Variants in ADNP observed in about 807,000 individuals in gnomAD.
ADNP encodes activity dependent neuroprotector homeobox, also known as activity-dependent neuroprotector homeobox protein.
A neutral mutation model predicts 84.9 loss-of-function variants in ADNP; 4 were observed. The observed-to-expected ratio is 0.05, with a 90% CI of 0.02 to 0.11. The LOEUF (loss-of-function observed/expected upper bound fraction) is 0.11, where lower values mean the gene tolerates loss of function less well. Among genes scored for constraint, ADNP ranks in the 10% least tolerant of loss-of-function variants. The pLI, the probability that ADNP is intolerant of heterozygous loss-of-function variation, is 1.00. For missense variants in ADNP, 1,132 were observed against 1,326.0 expected (o/e 0.85, Z 2.27); for synonymous variants, 554 against 468.1 (o/e 1.18, Z -2.37).
rs767774516 is a variant in ADNP, at chr20:50,894,375, G to A, written c.339C>T (p.Thr113=). The A allele has an allele frequency of 1.2e-6, 2 of 1,614,100 alleles. No homozygotes were observed. Among genetic ancestry groups the A allele is most frequent in the East Asian group, 2.2e-5 (1 of 44,880 alleles). The change falls in exon 6 of 6, where the codon ACC becomes ACT. Residue 113 remains threonine, a synonymous_variant. Transcript: ENST00000621696. ...CCAAAGTCTTTTTGTCTGCATTGAA[G>A]GTACAGTAGGGGCAATTAAGGAGAA... The part of the protein sequence containing the change: ...NRILLNCPYC[T]FNADKKTLET...
intron 2 of ADNP, among the ~76,000 whole-genome samples, chr20:50,918,686 G>A (rs531433580): frequency 6.6e-6 from 1 of 152,304 alleles, no homozygotes; most frequent in East Asian, 1.9e-4. Context: ...TGAGCATGTG[G>A]CAGTAGAGAA....
In ADNP at chr20:50,892,111, A is replaced by C; in HGVS notation, c.2603T>G (p.Leu868Arg). 1 of 1,614,082 alleles carries C rather than the reference A, an allele frequency of 6.2e-7. No homozygotes were observed. Among genetic ancestry groups the C allele is most frequent in the Non-Finnish European group, 8.5e-7 (1 of 1,180,038 alleles). Residue 868 changes from leucine to arginine, a missense_variant, in exon 6 of 6, where the codon CTT becomes CGT. Coordinates refer to ENST00000621696, the MANE Select transcript of ADNP (RefSeq NM_001282531.3). The part of the protein sequence containing the change: ...ASKTADKKLN[L>R]GKEDDSSSDS... ...TGAGGAACTGTCATCTTCCTTCCCA[A>C]GGTTGAGCTTTTTGTCAGCAGTCTT...
chr20:50,903,601 T>C (rs1349084736), intron 4 of ADNP, among the ~76,000 whole-genome samples: 2 of 152,194 alleles, frequency 1.3e-5, no homozygotes, highest in Non-Finnish European at 2.9e-5. Context: ...GCCTCCCGCC[T>C]CCATGGTTGT....
At chr20:50,901,958 G>A (rs980745709) in intron 5 of ADNP, 59 bp downstream of exon 5, 20 of 1,272,684 alleles carry the variant, frequency 1.6e-5, no homozygotes, top group East Asian at 9.2e-5. Context: ...AAGGCCTAGA[G>A]CTGAAAAGGG....
At chr20:50,917,451 A>G (rs757811885) in intron 2 of ADNP, among the ~76,000 whole-genome samples, 1 of 152,252 alleles carries the variant, frequency 6.6e-6, no homozygotes, top group Non-Finnish European at 1.5e-5. Flanking sequence ...TATGCAAATC[A>G]TAATGGTAAT....
rs1025868789 is a variant in ADNP, at chr20:50,904,858, C to T, written c.-89-9G>A. On this transcript the variant is annotated splice_polypyrimidine_tract_variant and intron_variant, in intron 2 of 5. Coordinates refer to ENST00000621696, the MANE Select transcript of ADNP (RefSeq NM_001282531.3). ...CCTACTGCTACGGTATTCTTTAAAA[C>T]AAAAACAAAAACAAAAACAAAAACA... The T allele has an allele frequency of 1.3e-5, 2 of 150,570 alleles. No homozygotes were observed. Among genetic ancestry groups the T allele is most frequent in the African/African-American group, 4.9e-5 (2 of 41,090 alleles). The allele number at this position is 150,570 out of a possible 1,614,324, so 9.3% of individuals were successfully genotyped here.
intron 2 of ADNP, among the ~76,000 whole-genome samples, chr20:50,919,287 A>ACGT (rs776823194): frequency 7.8e-6 from 1 of 128,064 alleles, no homozygotes; most frequent in African/African-American, 3.7e-5. Context: ...ACATATATTT[A>ACGT]AGTGTATATA....
At chr20:50,909,835 C>T (rs1256623180) in intron 2 of ADNP, 2 of 152,170 alleles carry the variant, frequency 1.3e-5, no homozygotes, top group Admixed American at 1.3e-4. Context: ...ACATGTCCCC[C>T]GAACAGGGAT....
Position 50,891,747 on chromosome 20 carries a change from G to A in ADNP, c.2967C>T (p.Cys989=), listed in dbSNP as rs780569502. ...QQVSDFEDNT[C]EMKPGTWSDE... is the part of the protein sequence containing the mutation. Reference sequence around the variant, plus strand: ...CAGACCAGGTTCCTGGTTTCATTTCGCAGGTATTGTCCTCAAAGTCTGACA... The same window carrying A: ...CAGACCAGGTTCCTGGTTTCATTTCACAGGTATTGTCCTCAAAGTCTGACA... Residue 989 remains cysteine, a synonymous_variant, in exon 6 of 6, where the codon TGC becomes TGT. Transcript: ENST00000621696. The A allele has an allele frequency of 6.2e-6, 10 of 1,613,902 alleles. No homozygotes were observed. Among genetic ancestry groups the A allele is most frequent in the African/African-American group, 2.7e-5 (2 of 74,860 alleles).
intron 5 of ADNP, among the ~76,000 whole-genome samples, chr20:50,896,268 T>C (rs1981381220): frequency 6.6e-6 from 1 of 151,796 alleles, no homozygotes; most frequent in South Asian, 2.1e-4. Context: ...TGTACAGCCG[T>C]ACAAAAATAT....
At chr20:50,903,280 A>G (rs1469135821) in intron 4 of ADNP, among the ~76,000 whole-genome samples, 2 of 152,226 alleles carry the variant, frequency 1.3e-5, no homozygotes, top group African/African-American at 4.8e-5. Flanking sequence ...TATCCCACAG[A>G]GCTGTTATAA....
chr20:50,895,113 G>T (rs963610087), intron 5 of ADNP, among the ~76,000 whole-genome samples: 1 of 152,076 alleles, frequency 6.6e-6, no homozygotes, highest in African/African-American at 2.4e-5. Flanking sequence ...GAAATAACAA[G>T]AATAACCTAA....
chr20:50,912,982 T>C (rs1983182235), intron 2 of ADNP, among the ~76,000 whole-genome samples: 2 of 152,234 alleles, frequency 1.3e-5, no homozygotes, highest in South Asian at 2.1e-4. Flanking sequence ...ATGGGCGCCA[T>C]GGCTCATGTC....
At position 50,892,059 on chromosome 20, in the gene ADNP, T is replaced by C. The variant is rs768098551; in HGVS notation, c.2655A>G (p.Glu885=). The change falls in exon 6 of 6, where the codon GAA becomes GAG. Residue 885 remains glutamate, a synonymous_variant. Transcript: ENST00000621696. ...CAAAAGGGCTACCACTTTCATTGGA[T>C]TCTTCTTCCAAATTTTCAAAACTGT... ...SSDSFENLEE[E]SNESGSPFDP... 4 of 1,614,186 alleles carry C rather than the reference T, an allele frequency of 2.5e-6. No homozygotes were observed. The highest frequency in any genetic ancestry group is 3.4e-6 in the Non-Finnish European group (4 of 1,180,028).
Position 50,931,166 on chromosome 20 carries a change from G to A in ADNP, c.-605C>T, listed in dbSNP as rs1984732406. The A allele has an allele frequency of 6.6e-6, 1 of 151,044 alleles. No homozygotes were observed. Among genetic ancestry groups the A allele is most frequent in the Admixed American group, 6.6e-5 (1 of 15,140 alleles). The allele number at this position is 151,044 out of a possible 1,614,324, so 9.4% of individuals were successfully genotyped here. A position where few individuals can be genotyped will look rare whatever the true frequency, so the allele number is the denominator to read the frequency against. On this transcript the variant is annotated 5_prime_UTR_variant, in exon 1 of 6. Transcript: ENST00000621696. ...CTCGCTCCTCAGCAGCGGGGACCGA[G>A]AGAGGGAGCTGTGTCTGAGAAGACG...
chr20:50,915,632 C>A (rs6020845), intron 2 of ADNP, among the ~76,000 whole-genome samples: 1 of 152,146 alleles, frequency 6.6e-6, no homozygotes, highest in Non-Finnish European at 1.5e-5. Context: ...CCCCTCCCTC[C>A]CCAATCCACA....
rs1037583284 is a variant in ADNP, at chr20:50,890,755, G to A, written c.*650C>T. ...CTTACGTGGCTGGCCTCTGTTGCAA[G>A]ATTGTACAAGGTTATGTGCAAAAAC... is the stretch of plus-strand genomic sequence containing the variant. On this transcript the variant is annotated 3_prime_UTR_variant, in exon 6 of 6. Transcript: ENST00000621696. 9.7e-6 allele frequency: 2 copies of A among 206,228 alleles called. No homozygotes were observed. The highest frequency in any genetic ancestry group is 1.7e-5 in the Non-Finnish European group (2 of 117,162). The allele number at this position is 206,228 out of a possible 1,614,324, so 12.8% of individuals were successfully genotyped here.
In ADNP at chr20:50,892,192, T is replaced by A. The variant is rs1384404630; in HGVS notation, c.2522A>T (p.Asp841Val). Residue 841 changes from aspartate to valine, a missense_variant, in exon 6 of 6, where the codon GAT becomes GTT. Physicochemically the swap from Asp to Val is radical, Grantham distance 152. This residue lies in a region of ADNP where 381 missense variants were observed against 319.9 expected (regional missense o/e 1.19). Coordinates refer to ENST00000621696, the MANE Select transcript of ADNP (RefSeq NM_001282531.3). ...LNKVKHEMDF[D>V]AEWLFENHDE... is the part of the protein sequence containing the mutation. ...ATGATTTTCAAATAGCCACTCAGCA[T>A]CAAAATCCATCTCATGCTTGACTTT... is the stretch of plus-strand genomic sequence containing the variant. The A allele has an allele frequency of 1.2e-6, 2 of 1,614,098 alleles. No individual in the cohort carries two copies. The highest frequency in any genetic ancestry group is 1.7e-6 in the Non-Finnish European group (2 of 1,180,058).
Position 50,904,015 on chromosome 20 carries a change from A to G in ADNP, c.-5-14T>C. 6.3e-7 allele frequency: 1 copy of G among 1,598,936 alleles called. No individual in the cohort carries two copies. The highest frequency in any genetic ancestry group is 1.1e-5 in the South Asian group (1 of 90,132). ...GGAACATAGTTTCTATTGGAAAAAA[A>G]AATTTAAGTCAAAGTCAAAACACGT... On this transcript the variant is annotated splice_polypyrimidine_tract_variant and intron_variant, in intron 3 of 5. Coordinates refer to ENST00000621696, the MANE Select transcript of ADNP (RefSeq NM_001282531.3).
Sources: gnomAD v4.1 joint callset for allele counts (sites outside exome capture counted in the v4.1 genomes callset) on GRCh38, gnomAD v4.1.1 for gene constraint, gnomAD v4.1.1 regional missense constraint, MANE v1.5 for transcripts, NCBI Gene and HGNC (gene_info 2026-07-23, HGNC 2026-07-21) for gene names.